Variants in PITPNM2 observed in about 807,000 individuals in gnomAD.
PITPNM2 encodes the protein membrane-associated phosphatidylinositol transfer protein 2.
In PITPNM2, 35 loss-of-function variants were observed where a neutral mutation model predicts 132.2. The ratio of observed to expected loss-of-function variants is 0.26; its 90% CI spans 0.20 to 0.35. The LOEUF is 0.35. Among genes scored for constraint, PITPNM2 ranks in the 10% least tolerant of loss-of-function variants. PITPNM2 has a pLI of 1.00. For missense variants in PITPNM2, 1,332 were observed against 1,912.0 expected (o/e 0.70, Z 5.66); for synonymous variants, 738 against 799.2 (o/e 0.92, Z 1.29).
chr12:122,999,137 C>T (rs894485128), intron 10 of PITPNM2, among the ~76,000 whole-genome samples: 1 of 151,146 alleles, frequency 6.6e-6, no homozygotes, highest in African/African-American at 2.4e-5. Flanking sequence ...AAGTGGGCAC[C>T]AGGAAGGGCA....
intron 2 of PITPNM2, chr12:123,089,453 A>T (rs1312324197): frequency 1.3e-5 from 2 of 152,192 alleles, no homozygotes; most frequent in South Asian, 4.1e-4. Flanking sequence ...CAGCTCAACT[A>T]CTTAGATCCT....
At chr12:123,021,859 A>G in intron 3 of PITPNM2, 4 of 273,476 alleles carry the variant, frequency 1.5e-5, no homozygotes, top group Non-Finnish European at 2.2e-5. Context: ...CTGTAAGAGG[A>G]GGAGAAGCAA....
At chr12:123,114,644 G>A (rs1158543380) in intron 1 of PITPNM2, among the ~76,000 whole-genome samples, 6 of 151,944 alleles carry the variant, frequency 3.9e-5, no homozygotes, top group Non-Finnish European at 8.8e-5. Context: ...TCTGAAATGT[G>A]GTCCTCCATT....
At chr12:123,037,201 G>A (rs914328095) in intron 2 of PITPNM2, among the ~76,000 whole-genome samples, 2 of 152,268 alleles carry the variant, frequency 1.3e-5, no homozygotes, top group South Asian at 4.1e-4. Flanking sequence ...ACCCAAGTCT[G>A]ACACCTGGAT....
chr12:123,105,252 A>G (rs918110637), intron 2 of PITPNM2: 2 of 152,230 alleles, frequency 1.3e-5, no homozygotes, highest in African/African-American at 4.8e-5. Flanking sequence ...ACTATTTTCT[A>G]TCGAGTGTCT....
intron 2 of PITPNM2, among the ~76,000 whole-genome samples, chr12:123,046,315 C>T (rs1180738805): frequency 1.3e-5 from 2 of 152,206 alleles, no homozygotes; most frequent in African/African-American, 4.8e-5. Flanking sequence ...GACTCTTCTT[C>T]TTGCTACTTG....
At chr12:123,071,128 TG>T (rs2041610857) in intron 2 of PITPNM2, among the ~76,000 whole-genome samples, 1 of 152,134 alleles carries the variant, frequency 6.6e-6, no homozygotes, top group Non-Finnish European at 1.5e-5. Flanking sequence ...CACTGTTGCT[TG>T]GGAGGGAGCA....
chr12:123,093,041 C>A (rs1423338380), intron 2 of PITPNM2, among the ~76,000 whole-genome samples: 1 of 152,164 alleles, frequency 6.6e-6, no homozygotes, highest in East Asian at 1.9e-4. Context: ...ATGATTGCAC[C>A]ATGAGAAGGA....
chr12:122,994,947 C>T lies in PITPNM2; in HGVS notation c.2087G>A (p.Cys696Tyr). 2 of 1,610,510 alleles carry T rather than the reference C, an allele frequency of 1.2e-6. No individual in the cohort carries two copies. The highest frequency in any genetic ancestry group is 1.7e-6 in the Non-Finnish European group (2 of 1,179,458). Residue 696 changes from cysteine to tyrosine, a missense_variant, in exon 15 of 26, where the codon TGC becomes TAC. Cys to Tyr is a radical substitution (Grantham distance 194). Around this residue, in one of 6 missense-constraint regions of PITPNM2, gnomAD observed 710 missense variants for 911.5 expected, o/e 0.78. Coordinates refer to ENST00000320201, the MANE Select transcript of PITPNM2 (RefSeq NM_020845.3). The surrounding 1 kb of genome is among the most constrained non-coding windows in gnomAD (Gnocchi z 5.4). ...GGTGGAGCTGCTGGAATGGCGTGAG[C>T]AGGGCTCAGTCCTCAGCACGCTGGC... ...LHASVLRTEP[C>Y]SRHSSSSTML... is the part of the protein sequence containing the mutation.
chr12:123,066,041 T>A (rs1422127457), intron 2 of PITPNM2, among the ~76,000 whole-genome samples: 1 of 152,110 alleles, frequency 6.6e-6, no homozygotes, highest in Non-Finnish European at 1.5e-5. Context: ...CCTGTATGCG[T>A]TTGTGTGCGT....
At position 123,005,252 on chromosome 12, in the gene PITPNM2, A is replaced by G; in HGVS notation, c.940T>C (p.Ser314Pro). ...CGCAGGGCCTTACCTCCCCGCTTGG[A>G]CGACCGAGACGACTTGGAGGATGTG... is the stretch of plus-strand genomic sequence containing the variant. ...WSTSSKSSRS[S>P]KRGASPSRHS... Residue 314 changes from serine (S) to proline (P), a missense_variant, in exon 7 of 26, where the codon TCC becomes CCC. By Grantham distance (74) the Ser-to-Pro change is moderately conservative. Transcript: ENST00000320201. The surrounding 1 kb of genome is among the most constrained non-coding windows in gnomAD (Gnocchi z 6.2). 1 of 1,611,518 alleles carries G rather than the reference A, an allele frequency of 6.2e-7. No homozygotes were observed. The highest frequency in any genetic ancestry group is 2.2e-5 in the East Asian group (1 of 44,782).
At chr12:123,080,124 A>G (rs955382281) in intron 2 of PITPNM2, among the ~76,000 whole-genome samples, 5 of 152,258 alleles carry the variant, frequency 3.3e-5, no homozygotes, top group African/African-American at 1.2e-4. Context: ...TTTATGATTG[A>G]ATCATATCCC....
At position 123,117,274 on chromosome 12, in the gene PITPNM2, G is replaced by T. The variant is rs988276543; in HGVS notation, c.-199-6786C>A. ...GTTTCAAACAGCGGTCGTGAGGCTG[G>T]GGAATTTCTCCAGTGATCCTACGGA... On this transcript the variant is annotated intron_variant, in intron 1 of 25. Coordinates refer to ENST00000320201, the MANE Select transcript of PITPNM2 (RefSeq NM_020845.3). This position sits in a 1 kb window ranked among gnomAD's most constrained non-coding sequence, Gnocchi z 4.7. Among the ~76,000 whole-genome samples, 1 of 152,168 alleles carries T rather than the reference G, an allele frequency of 6.6e-6. No individual in the cohort carries two copies. Among genetic ancestry groups the T allele is most frequent in the African/African-American group, 2.4e-5 (1 of 41,434 alleles).
At chr12:123,105,966 G>A (rs1287130321) in intron 2 of PITPNM2, among the ~76,000 whole-genome samples, 1 of 152,208 alleles carries the variant, frequency 6.6e-6, no homozygotes, top group Non-Finnish European at 1.5e-5. Flanking sequence ...GGCCAGGCCA[G>A]CTTCCTTCCT....
chr12:123,085,528 G>T (rs1184973556), intron 2 of PITPNM2, among the ~76,000 whole-genome samples: 1 of 152,130 alleles, frequency 6.6e-6, no homozygotes. Flanking sequence ...GTTGGGAGTT[G>T]TTAGTTAATG....
intron 2 of PITPNM2, among the ~76,000 whole-genome samples, chr12:123,045,363 C>G (rs1201384266): frequency 6.6e-6 from 1 of 152,176 alleles, no homozygotes; most frequent in Non-Finnish European, 1.5e-5. Flanking sequence ...CTTTGACCAC[C>G]CCCACTCCAC....
chr12:122,986,018 C>G lies in PITPNM2; in HGVS notation c.*9G>C. ...CACCATGGAGACCCCGCGCTGCACT[C>G]ACGGTGCCCTACTTGGGGCCCGCGG... On this transcript the variant is annotated 3_prime_UTR_variant, in exon 26 of 26. Coordinates refer to ENST00000320201, the MANE Select transcript of PITPNM2 (RefSeq NM_020845.3). The G allele has an allele frequency of 7.2e-7, 1 of 1,396,494 alleles. No individual in the cohort carries two copies. Among genetic ancestry groups the G allele is most frequent in the Non-Finnish European group, 9.2e-7 (1 of 1,086,980 alleles). 86.5% of individuals were successfully genotyped at this position (1,396,494 alleles called of 1,614,324 possible). A position where few individuals can be genotyped will look rare whatever the true frequency, so the allele number is the denominator to read the frequency against.
chr12:123,072,956 G>A (rs913889930), intron 2 of PITPNM2, among the ~76,000 whole-genome samples: 10 of 152,234 alleles, frequency 6.6e-5, no homozygotes, highest in African/African-American at 2.4e-4. Context: ...CCTGACTTCC[G>A]AGGCCTGGTG....
intron 8 of PITPNM2, among the ~76,000 whole-genome samples, chr12:123,003,327 G>A (rs1231986237): frequency 2.6e-5 from 4 of 152,136 alleles, no homozygotes; most frequent in East Asian, 1.9e-4. Flanking sequence ...CCAGGACACC[G>A]CTGTCCTGGC....
Sources: gnomAD v4.1 joint callset for allele counts (sites outside exome capture counted in the v4.1 genomes callset) on GRCh38, gnomAD v4.1.1 for gene constraint, gnomAD v4.1.1 regional missense constraint, Gnocchi (gnomAD v3.1) non-coding constraint, MANE v1.5 for transcripts, NCBI Gene and HGNC (gene_info 2026-07-23, HGNC 2026-07-21) for gene names.